Variants in NUP153 observed in about 807,000 individuals in gnomAD.
NUP153 encodes nuclear pore complex protein Nup153.
NUP153 carries 27 observed loss-of-function variants against 134.6 expected under a neutral mutation model. The observed-to-expected ratio is 0.20, with a 90% CI of 0.15 to 0.28. NUP153 has a LOEUF of 0.28. NUP153 is among the 10% of genes least tolerant of loss of function. The pLI, the probability that NUP153 is intolerant of heterozygous loss-of-function variation, is 1.00. For missense variants in NUP153, 1,821 were observed against 1,731.3 expected, an observed-to-expected ratio of 1.05 and a Z score of -0.92; for synonymous variants, 640 against 623.5, an observed-to-expected ratio of 1.03 and a Z score of -0.40.
At chr6:17,656,564 G>A (rs184520484) in intron 11 of NUP153, among the ~76,000 whole-genome samples, 2 of 151,994 alleles carry the variant, frequency 1.3e-5, no homozygotes, top group African/African-American at 2.4e-5. Flanking sequence ...TTTTGTACAC[G>A]TGGGGTTTTG....
At chr6:17,693,969 G>A (rs1769456373) in intron 1 of NUP153, among the ~76,000 whole-genome samples, 4 of 152,108 alleles carry the variant, frequency 2.6e-5, no homozygotes, top group East Asian at 3.9e-4. Context: ...TATATAATAG[G>A]ACACCCATCT....
In NUP153 at chr6:17,638,425, G is replaced by T. The variant is rs556377017; in HGVS notation, c.1847-655C>A. 2.7e-4 allele frequency among the ~76,000 whole-genome samples: 41 copies of T among 152,264 alleles called. 1 individual carries two copies. The East Asian group carries it at 6.9e-3, about 26-fold the overall frequency. On this transcript the variant is annotated intron_variant, in intron 15 of 21. Coordinates refer to ENST00000262077, the MANE Select transcript of NUP153 (RefSeq NM_005124.4). The surrounding 1 kb of genome is among the most constrained non-coding windows in gnomAD (Gnocchi z 4.0). ...TCCAGCCTTACCCGCCAAAGAAAAA[G>T]AAATTAAAAGGAGAGAAGATGTAGA...
rs1238294901 is a variant in NUP153 at position 17,706,647 on chromosome 6, C to T, written c.-260G>A. On this transcript the variant is annotated 5_prime_UTR_variant, in exon 1 of 22. Coordinates refer to ENST00000262077, the MANE Select transcript of NUP153 (RefSeq NM_005124.4). This position sits in a 1 kb window ranked among gnomAD's most constrained non-coding sequence, Gnocchi z 5.9. ...GTCCGGCCGCCTCTGCGGACCCCCG[C>T]CTCTGTGTGTGTCACGGTCTCTATG... The T allele has an allele frequency of 3.6e-6, 2 of 548,918 alleles. No individual in the cohort carries two copies. The highest frequency in any genetic ancestry group is 3.3e-5 in the Admixed American group (1 of 30,126). 34.0% of individuals were successfully genotyped at this position (548,918 alleles called of 1,614,324 possible). A position where few individuals can be genotyped will look rare whatever the true frequency, so the allele number is the denominator to read the frequency against.
chr6:17,648,930 C>T (rs991788028), intron 12 of NUP153, among the ~76,000 whole-genome samples: 2 of 152,144 alleles, frequency 1.3e-5, no homozygotes, highest in Non-Finnish European at 2.9e-5. Context: ...AACAAATTTA[C>T]AAGAATATCC....
In NUP153 at chr6:17,649,159, G is replaced by A. The variant is rs144865117; in HGVS notation, c.1533+4C>T. On this transcript the variant is annotated splice_donor_region_variant and intron_variant, in intron 12 of 21. Coordinates refer to ENST00000262077, the MANE Select transcript of NUP153 (RefSeq NM_005124.4). ...TCACCTGTATTTATATAATGGTTTT[G>A]TACCTTGTTTGTTAATGCTTGAGAC... 2.2e-4 allele frequency: 361 copies of A among 1,609,820 alleles called. No homozygotes were observed. In the African/African-American group the frequency reaches 3.8e-3, roughly 17 times the overall value.
chr6:17,647,904 A>G lies in NUP153; in HGVS notation c.1535T>C (p.Val512Ala). The G allele has an allele frequency of 6.3e-7, 1 of 1,596,362 alleles. No homozygotes were observed. Reference sequence around the variant, plus strand: ...AGTGCTGCTCGGAGAGGTCATTTGTACCTGGTTTTCCAAATTATTAAGAAA... The same window carrying G: ...AGTGCTGCTCGGAGAGGTCATTTGTGCCTGGTTTTCCAAATTATTAAGAAA... ...INSSQALTNK[V>A]QMTSPSSTGS... The change falls in exon 13 of 22, where the codon GTA becomes GCA. Residue 512 changes from valine (V) to alanine (A), a missense_variant and splice_region_variant. By Grantham distance (64) the Val-to-Ala change is moderately conservative. Transcript: ENST00000262077.
chr6:17,685,037 C>G (rs1037462733), intron 2 of NUP153, among the ~76,000 whole-genome samples: 1 of 152,180 alleles, frequency 6.6e-6, no homozygotes, highest in African/African-American at 2.4e-5. Context: ...GACATGTTAG[C>G]GTGTGCTGGT....
chr6:17,705,254 TATCACTGATAAGTGGCTTTATTAAAATA>T (rs1770403678), intron 1 of NUP153, among the ~76,000 whole-genome samples: 1 of 152,250 alleles, frequency 6.6e-6, no homozygotes. Flanking sequence ...CCCACCTCAG[TATCACTGATAAGTGGCTTTATTAAAATA>T]AGTTAACATT....
chr6:17,682,195 T>C (rs557879054), intron 2 of NUP153, among the ~76,000 whole-genome samples: 8 of 152,286 alleles, frequency 5.3e-5, no homozygotes, highest in Non-Finnish European at 1.0e-4. Context: ...CTATAGCCTA[T>C]TAAGTGTGCA....
intron 11 of NUP153, among the ~76,000 whole-genome samples, chr6:17,659,981 T>C (rs1767087121): frequency 6.6e-6 from 1 of 152,108 alleles, no homozygotes; most frequent in Non-Finnish European, 1.5e-5. Flanking sequence ...AGACAGAGCC[T>C]CCAGACCAGC....
intron 10 of NUP153, 37 bp from the exon 11 acceptor site, chr6:17,661,816 T>C (rs1477731551): frequency 1.3e-6 from 2 of 1,593,900 alleles, no homozygotes; most frequent in East Asian, 4.5e-5. Flanking sequence ...AACTGATATA[T>C]TATTGTGGTC....
chr6:17,653,026 G>A (rs769188961), intron 11 of NUP153, among the ~76,000 whole-genome samples: 2 of 152,132 alleles, frequency 1.3e-5, no homozygotes, highest in South Asian at 4.1e-4. Flanking sequence ...GCCGAGGCGG[G>A]TGGACTGCCT....
chr6:17,668,077 T>A (rs1472835381), intron 8 of NUP153, among the ~76,000 whole-genome samples: 3 of 147,566 alleles, frequency 2.0e-5, no homozygotes, highest in Non-Finnish European at 4.5e-5. Context: ...AACTTTTTTT[T>A]TTTTTTTTTT....
chr6:17,705,782 T>G (rs1324719655), intron 1 of NUP153, among the ~76,000 whole-genome samples: 2 of 152,036 alleles, frequency 1.3e-5, no homozygotes, highest in African/African-American at 2.4e-5. Flanking sequence ...ACTTTCCATG[T>G]AACAGCGCCC....
Position 17,672,448 on chromosome 6 carries a change from C to T in NUP153, c.852+2457G>A, listed in dbSNP as rs1208756771. On this transcript the variant is annotated intron_variant, in intron 5 of 21. Transcript: ENST00000262077. ...AAATTTAGCTGGGAATGGTGGCACA[C>T]GCCTGTGGTCCCAGCTACTCAGGAG... Among the ~76,000 whole-genome samples the T allele has an allele frequency of 3.3e-5, 5 of 151,828 alleles. No individual in the cohort carries two copies. The South Asian group carries it at 6.2e-4, about 19-fold the overall frequency.
intron 18 of NUP153, among the ~76,000 whole-genome samples, chr6:17,627,945 T>C (rs1765025859): frequency 6.6e-6 from 1 of 152,234 alleles, no homozygotes; most frequent in Non-Finnish European, 1.5e-5. Context: ...TTCTTTGATA[T>C]TTCCCCAAAA....
intron 1 of NUP153, among the ~76,000 whole-genome samples, chr6:17,700,628 A>G (rs1405498767): frequency 1.3e-5 from 2 of 152,234 alleles, no homozygotes; most frequent in African/African-American, 2.4e-5. Context: ...GCTATCAGAT[A>G]CCAGGCAGGA....
chr6:17,706,514 G>T lies in NUP153; in HGVS notation c.-127C>A. ...AAAGTCCGCCCGCGCTGTCCACACA[G>T]TGGGCACAAGCACCCCAGGAACCGC... is the stretch of plus-strand genomic sequence containing the variant. On this transcript the variant is annotated 5_prime_UTR_variant, in exon 1 of 22. In the 5' UTR this introduces an upstream ATG that the reference lacks. Transcript: ENST00000262077. This position sits in a 1 kb window ranked among gnomAD's most constrained non-coding sequence, Gnocchi z 5.9. 1.5e-6 allele frequency: 1 copy of T among 656,706 alleles called. No individual in the cohort carries two copies. Among genetic ancestry groups the T allele is most frequent in the Non-Finnish European group, 2.6e-6 (1 of 389,482 alleles). 40.7% of individuals were successfully genotyped at this position (656,706 alleles called of 1,614,324 possible).
chr6:17,679,829 T>C (rs1047566392), intron 2 of NUP153, among the ~76,000 whole-genome samples: 1 of 152,196 alleles, frequency 6.6e-6, no homozygotes, highest in African/African-American at 2.4e-5. Flanking sequence ...CCATACCTTT[T>C]AAAGAATTCC....
Sources: allele counts gnomAD v4.1 joint callset (sites outside exome capture counted in the v4.1 genomes callset), GRCh38; gene constraint gnomAD v4.1.1; non-coding constraint Gnocchi (gnomAD v3.1); transcripts MANE v1.5; gene names NCBI Gene and HGNC (gene_info 2026-07-23, HGNC 2026-07-21).